GALNT17: variants seen among roughly 807,000 people sequenced by gnomAD.
GALNT17 encodes UDP-GalNAc:polypeptide N-acetylgalactosaminyltransferase-like 3.
GALNT17 carries 29 observed loss-of-function variants against 63.7 expected under a neutral mutation model. That is an observed-to-expected ratio of 0.46 (90% confidence interval 0.34 to 0.62). GALNT17 has a LOEUF of 0.62. Among genes scored for constraint, GALNT17 ranks in the 20% least tolerant of loss-of-function variants. GALNT17 has a pLI of 0.01. For synonymous variants in GALNT17, 305 were observed against 318.3 expected, an observed-to-expected ratio of 0.96 and a Z score of 0.45; for missense variants, 603 against 799.6, an observed-to-expected ratio of 0.75 and a Z score of 2.97.
At chr7:71,575,835 G>A (rs1480219259) in intron 6 of GALNT17, among the ~76,000 whole-genome samples, 1 of 152,134 alleles carries the variant, frequency 6.6e-6, no homozygotes, top group Non-Finnish European at 1.5e-5. Flanking sequence ...AACAAAAATA[G>A]CAGTTGACTC....
At chr7:71,137,580 C>T (rs1787810161) in intron 1 of GALNT17, among the ~76,000 whole-genome samples, 1 of 152,046 alleles carries the variant, frequency 6.6e-6, no homozygotes, top group Non-Finnish European at 1.5e-5. Flanking sequence ...GAAATAACCT[C>T]AAGGCTGTAA....
chr7:71,298,889 CG>C (rs1429591723), intron 1 of GALNT17, among the ~76,000 whole-genome samples: 2 of 152,010 alleles, frequency 1.3e-5, no homozygotes, highest in Non-Finnish European at 2.9e-5. Flanking sequence ...CATAGCTGCC[CG>C]GGACATTGGG....
At position 71,153,351 on chromosome 7, in the gene GALNT17, C is replaced by T. The variant is rs148196915; in HGVS notation, c.238+20311C>T. 1.1e-3 allele frequency among the ~76,000 whole-genome samples: 161 copies of T among 152,244 alleles called. 2 individuals carry two copies. The East Asian group carries it at 0.014, about 13-fold the overall frequency. ...TGATGAATGATGTTATTGACATCGCCGTGGTGGCAGTTACTACCAATACTG... is the reference window on the plus strand; with the variant it reads ...TGATGAATGATGTTATTGACATCGCTGTGGTGGCAGTTACTACCAATACTG... On this transcript the variant is annotated intron_variant, in intron 1 of 10. Coordinates refer to ENST00000333538, the MANE Select transcript of GALNT17 (RefSeq NM_022479.3).
At chr7:71,287,771 G>C (rs894785966) in intron 1 of GALNT17, among the ~76,000 whole-genome samples, 41 of 152,190 alleles carry the variant, frequency 2.7e-4, no homozygotes, top group African/African-American at 9.6e-4. Flanking sequence ...CTAAGGAATG[G>C]CTAGGCATGG....
chr7:71,501,468 A>G (rs749390364), intron 5 of GALNT17, among the ~76,000 whole-genome samples: 10 of 152,026 alleles, frequency 6.6e-5, no homozygotes, highest in African/African-American at 9.7e-5. Context: ...GGGTTTTGCT[A>G]TGTTGCCCAG....
chr7:71,686,006 G>A (rs1336816684), intron 9 of GALNT17, among the ~76,000 whole-genome samples: 8 of 124,348 alleles, frequency 6.4e-5, no homozygotes, highest in Non-Finnish European at 9.5e-5. Context: ...CCAGGCTGGA[G>A]TGCAGTGGTG....
At chr7:71,404,933 A>G (rs1483043995) in intron 3 of GALNT17, among the ~76,000 whole-genome samples, 1 of 152,174 alleles carries the variant, frequency 6.6e-6, no homozygotes, top group Non-Finnish European at 1.5e-5. Context: ...CCAACTTTCC[A>G]CTCATGGTTA....
At chr7:71,335,014 C>T (rs767858568) in intron 1 of GALNT17, among the ~76,000 whole-genome samples, 3 of 152,178 alleles carry the variant, frequency 2.0e-5, no homozygotes, top group Non-Finnish European at 4.4e-5. Context: ...GGCCCCAGTT[C>T]TGTCTCATTT....
rs3061640 is a variant in GALNT17 at position 71,268,549 on chromosome 7, CAATAAATAAATAAATA to C, written c.239-66972_239-66957del. The stretch of plus-strand genomic sequence containing the variant: ...CTGGGCAACAGAATGAGATCCATCT[CAATAAATAAATAAATA>C]AATAAATAAATAAATAAATAAATAA... On this transcript the variant is annotated intron_variant, in intron 1 of 10. Coordinates refer to ENST00000333538, the MANE Select transcript of GALNT17 (RefSeq NM_022479.3). Among the ~76,000 whole-genome samples, 496 of 135,314 alleles carry C rather than the reference CAATAAATAAATAAATA, an allele frequency of 3.7e-3. 2 individuals carry two copies. The highest frequency in any genetic ancestry group is 4.9e-3 in the South Asian group (19 of 3,884). The allele number at this position is 135,314 out of a possible 152,430, so 88.8% of individuals were successfully genotyped here.
At chr7:71,352,491 G>A (rs1792206899) in intron 2 of GALNT17, among the ~76,000 whole-genome samples, 1 of 152,164 alleles carries the variant, frequency 6.6e-6, no homozygotes, top group African/African-American at 2.4e-5. Flanking sequence ...TGGTAAAACT[G>A]AAAAACAGAT....
chr7:71,453,023 T>C (rs960427926), intron 5 of GALNT17, among the ~76,000 whole-genome samples: 3 of 152,348 alleles, frequency 2.0e-5, no homozygotes, highest in African/African-American at 7.2e-5. Flanking sequence ...CTGTTCTCTC[T>C]GGTGGTTTAG....
rs182214085 is a variant in GALNT17, at chr7:71,569,494, T to C, written c.963-1791T>C. On this transcript the variant is annotated intron_variant, in intron 5 of 10. Transcript: ENST00000333538. Reference sequence around the variant, plus strand: ...CATCTTTATGCCTGTGTGTACCCAATGTTTAACTCTCACTTACAAGTGAGA... The same window carrying C: ...CATCTTTATGCCTGTGTGTACCCAACGTTTAACTCTCACTTACAAGTGAGA... Among the ~76,000 whole-genome samples, 25 of 152,260 alleles carry C rather than the reference T, an allele frequency of 1.6e-4. No homozygotes were observed. The East Asian group carries it at 3.9e-3, about 24-fold the overall frequency.
chr7:71,691,487 T>C (rs921733516), intron 9 of GALNT17, among the ~76,000 whole-genome samples: 1 of 152,232 alleles, frequency 6.6e-6, no homozygotes, highest in African/African-American at 2.4e-5. Flanking sequence ...TCTCAAGATA[T>C]GCCTGTATTT....
At chr7:71,201,939 G>A (rs1789181838) in intron 1 of GALNT17, among the ~76,000 whole-genome samples, 1 of 152,068 alleles carries the variant, frequency 6.6e-6, no homozygotes, top group Admixed American at 6.6e-5. Flanking sequence ...GGCCTACTTT[G>A]GCAGTTAAAT....
chr7:71,429,029 C>T (rs1281245908), intron 5 of GALNT17, among the ~76,000 whole-genome samples: 1 of 152,198 alleles, frequency 6.6e-6, no homozygotes, highest in Non-Finnish European at 1.5e-5. Context: ...ACCTTCTTTT[C>T]CTGGACTCCA....
At chr7:71,285,747 A>T (rs1033386877) in intron 1 of GALNT17, among the ~76,000 whole-genome samples, 6 of 152,174 alleles carry the variant, frequency 3.9e-5, no homozygotes, top group African/African-American at 1.4e-4. Context: ...CCCTCACCAA[A>T]CACAGAATGT....
chr7:71,210,916 C>T (rs10252351), intron 1 of GALNT17, among the ~76,000 whole-genome samples: 56,257 of 152,012 alleles, frequency 0.37, 10,727 homozygotes, highest in South Asian at 0.53. Context: ...TAAACCCCAC[C>T]GGCTATATTT....
At chr7:71,697,271 T>A (rs1345956514) in intron 9 of GALNT17, among the ~76,000 whole-genome samples, 1 of 152,064 alleles carries the variant, frequency 6.6e-6, no homozygotes, top group African/African-American at 2.4e-5. Context: ...ATGGGAACTG[T>A]GAGGGTCTGG....
intron 1 of GALNT17, among the ~76,000 whole-genome samples, chr7:71,189,306 T>C (rs1057019181): frequency 4.6e-5 from 7 of 152,174 alleles, no homozygotes; most frequent in African/African-American, 1.7e-4. Flanking sequence ...CACATGGAAT[T>C]GTGAGTCCAT....
Sources: gnomAD v4.1 joint callset for allele counts (sites outside exome capture counted in the v4.1 genomes callset) on GRCh38, gnomAD v4.1.1 for gene constraint, MANE v1.5 for transcripts, NCBI Gene and HGNC (gene_info 2026-07-23, HGNC 2026-07-21) for gene names.